The following SLC4A1 variants were observed in gnomAD, a reference collection of about 807,000 sequenced individuals.
SLC4A1 encodes the protein solute carrier family 4 member 1 (Diego blood group).
A neutral mutation model predicts 93.1 loss-of-function variants in SLC4A1; 29 were observed. That is an observed-to-expected ratio of 0.31 (90% CI 0.23 to 0.42). SLC4A1 has a LOEUF of 0.42. Among genes scored for constraint, SLC4A1 ranks in the 20% least tolerant of loss-of-function variants. The pLI, the probability that SLC4A1 is intolerant of heterozygous loss-of-function variation, is 1.00. For synonymous variants in SLC4A1, 469 were observed against 497.2 expected (o/e 0.94, Z 0.76); for missense variants, 965 against 1,190.1 (o/e 0.81, Z 2.78).
At chr17:44,266,998 G>A (rs1017753647) in intron 1 of SLC4A1, among the ~76,000 whole-genome samples, 3 of 152,166 alleles carry the variant, frequency 2.0e-5, no homozygotes, top group African/African-American at 7.2e-5. Context: ...TCTGTGAAGT[G>A]GTTTGGGGAT....
At chr17:44,257,903 G>A (rs1199097883) in intron 11 of SLC4A1, 83 bp downstream of exon 11, 1 of 1,601,034 alleles carries the variant, frequency 6.2e-7, no homozygotes, top group Non-Finnish European at 8.6e-7. Flanking sequence ...GGTCTGGAGG[G>A]TCAGACAGAG....
chr17:44,263,595 C>T (rs562952441), intron 1 of SLC4A1, among the ~76,000 whole-genome samples: 1 of 152,264 alleles, frequency 6.6e-6, no homozygotes, highest in South Asian at 2.1e-4. Context: ...ATACCTCAGA[C>T]CTTCTCACAT....
chr17:44,261,079 C>T (rs777263312), intron 4 of SLC4A1, among the ~76,000 whole-genome samples: 4 of 152,170 alleles, frequency 2.6e-5, no homozygotes, highest in Non-Finnish European at 5.9e-5. Flanking sequence ...AGAGGCCTGG[C>T]GGGCCGAAGC....
At chr17:44,261,859 C>T (rs1044677503) in intron 3 of SLC4A1, among the ~76,000 whole-genome samples, 3 of 152,116 alleles carry the variant, frequency 2.0e-5, no homozygotes, top group African/African-American at 7.2e-5. Flanking sequence ...TGAGCCTTGT[C>T]GAGGACACCC....
rs149362848 is a variant in SLC4A1, at chr17:44,257,753, A to G, written c.1337T>C (p.Val446Ala). 3.6e-5 allele frequency: 58 copies of G among 1,614,018 alleles called. No individual in the cohort carries two copies. The African/African-American group carries it at 6.9e-4, about 19-fold the overall frequency. Residue 446 changes from valine to alanine, a missense_variant, in exon 12 of 20, where the codon GTG becomes GCG. Physicochemically the swap from Val to Ala is moderately conservative, Grantham distance 64 (BLOSUM62 0). Coordinates refer to ENST00000262418, the MANE Select transcript of SLC4A1 (RefSeq NM_000342.4). ...GVSELLISTA[V>A]QGILFALLGA... ...CAGCAGGGCGAAGAGAATGCCCTGC[A>G]CTGCAGTGGAGATCAGCAGCTCCGA...
chr17:44,264,729 T>C (rs923003058), intron 1 of SLC4A1, among the ~76,000 whole-genome samples: 1 of 152,098 alleles, frequency 6.6e-6, no homozygotes, highest in Non-Finnish European at 1.5e-5. Context: ...CCAAGAGGCC[T>C]CTGAGCTCGG....
intron 13 of SLC4A1, among the ~76,000 whole-genome samples, chr17:44,257,061 G>A (rs546835070): frequency 1.0e-4 from 15 of 150,236 alleles, no homozygotes; most frequent in Middle Eastern, 3.4e-3. Flanking sequence ...GCACAATCTC[G>A]GCTCACTGCA....
At position 44,250,027 on chromosome 17, in the gene SLC4A1, A is replaced by G. The variant is rs951207868; in HGVS notation, c.*431T>C. On this transcript the variant is annotated 3_prime_UTR_variant, in exon 20 of 20. Coordinates refer to ENST00000262418, the MANE Select transcript of SLC4A1 (RefSeq NM_000342.4). Reference sequence around the variant, plus strand: ...ATCCTGTAATGTGGGTATTATCATCAATATACCCATTTTACAGAAGAGGAA... The same window carrying G: ...ATCCTGTAATGTGGGTATTATCATCGATATACCCATTTTACAGAAGAGGAA... 4.9e-5 allele frequency: 12 copies of G among 245,234 alleles called. No individual in the cohort carries two copies. Among genetic ancestry groups the G allele is most frequent in the Non-Finnish European group, 9.0e-5 (11 of 122,412 alleles). The allele number at this position is 245,234 out of a possible 1,614,324, so 15.2% of individuals were successfully genotyped here.
Position 44,260,915 on chromosome 17 carries a change from T to A in SLC4A1, c.169-100A>T, listed in dbSNP as rs1301729498. 3.7e-6 allele frequency: 5 copies of A among 1,368,964 alleles called. No individual in the cohort carries two copies. The Admixed American group carries it at 7.1e-5, about 19-fold the overall frequency. 84.8% of individuals were successfully genotyped at this position (1,368,964 alleles called of 1,614,324 possible). On this transcript the variant is annotated intron_variant, in intron 4 of 19. Transcript: ENST00000262418. ...GAGGCTTGTGCTTGTGAGGCTTGGA[T>A]CCCTGTGCTCAAGGGTCCGTAGATA...
At chr17:44,261,900 G>T (rs1191163938) in intron 3 of SLC4A1, 7 of 1,036,592 alleles carry the variant, frequency 6.8e-6, no homozygotes, top group African/African-American at 1.6e-5. Context: ...TAGCCCCTCC[G>T]CAGTGATGAA....
intron 5 of SLC4A1, 43 bp from the exon 6 acceptor site, chr17:44,260,582 AC>A (rs1285426913): frequency 1.2e-6 from 2 of 1,614,096 alleles, no homozygotes; most frequent in East Asian, 2.2e-5. Context: ...GGGCCACAGC[AC>A]CCCACAACAA....
In SLC4A1 at chr17:44,251,289, A is replaced by G; in HGVS notation, c.2525T>C (p.Ile842Thr). The change falls in exon 19 of 20, where the codon ATC (isoleucine) becomes ACC (threonine). Residue 842 changes from isoleucine to threonine, a missense_variant. By Grantham distance (89) the Ile-to-Thr change is moderately conservative. Coordinates refer to ENST00000262418, the MANE Select transcript of SLC4A1 (RefSeq NM_000342.4). ...RMHLFTGIQI[I>T]CLAVLWVVKS... ...CACCACCCACAGCACTGCCAGGCAG[A>G]TGATCTGGATGCCCGTGAATAAGTG... 1 of 1,614,232 alleles carries G rather than the reference A, an allele frequency of 6.2e-7. No homozygotes were observed.
Position 44,251,464 on chromosome 17 carries a change from CA to C in SLC4A1, c.2435del (p.Leu812ArgfsTer17). 2 of 1,614,224 alleles carry C rather than the reference CA, an allele frequency of 1.2e-6. No homozygotes were observed. The highest frequency in any genetic ancestry group is 1.7e-6 in the Non-Finnish European group (2 of 1,180,042). On this transcript the variant is annotated frameshift_variant, in exon 18 of 20. Coordinates refer to ENST00000262418, the MANE Select transcript of SLC4A1 (RefSeq NM_000342.4). LOFTEE classifies it high-confidence loss of function. The stretch of plus-strand genomic sequence containing the variant: ...CTGGGTGATACTTGGGTGGCTTGAA[CA>C]GAAGCAAGATGCGGTCAAAGAGCTG... Reference protein sequence around the residue: ...GIQLFDRILLLFKPPKYHPDV... With the variant: ...GIQLFDRILLXFKPPKYHPDV...
chr17:44,257,622 G>A (rs952773134), intron 12 of SLC4A1, 37 bp downstream of exon 12: 3 of 1,613,264 alleles, frequency 1.9e-6, no homozygotes, highest in African/African-American at 2.7e-5. Context: ...GTGGTGCGGG[G>A]GACATGACAG....
In SLC4A1 at chr17:44,259,795, T is replaced by C; in HGVS notation, c.609+14A>G. On this transcript the variant is annotated intron_variant, in intron 7 of 19. Transcript: ENST00000262418. ...CCCACCCTGACCCTGACCCTGACCC[T>C]GTAACTGACTCACCTGCTCACAGAA... 1.2e-6 allele frequency: 2 copies of C among 1,613,866 alleles called. No homozygotes were observed.
chr17:44,257,469 A>C lies in SLC4A1; in HGVS notation c.1507T>G (p.Leu503Val), dbSNP rs759996988. 6.2e-6 allele frequency: 10 copies of C among 1,614,010 alleles called. No homozygotes were observed. Among genetic ancestry groups the C allele is most frequent in the Admixed American group, 1.7e-5 (1 of 60,018 alleles). The change falls in exon 13 of 20, where the codon TTG becomes GTG. Residue 503 changes from leucine (L) to valine (V), a missense_variant. Physicochemically the swap from Leu to Val is conservative, Grantham distance 32. Transcript: ENST00000262418. ...IGFWLILLVV[L>V]VVAFEGSFLV... Reference sequence around the variant, plus strand: ...AAGCTACCCTCGAAGGCCACCACCAACACCACCAGCAGGATGAGCCAGAAG... The same window carrying C: ...AAGCTACCCTCGAAGGCCACCACCACCACCACCAGCAGGATGAGCCAGAAG...
In SLC4A1 at chr17:44,259,224, TC is replaced by T; in HGVS notation, c.814del (p.Glu272ArgfsTer25). ...CTGGGTGTAATCGATGTGGGGGGCC[TC>T]AGGTCCCAGCAACACAAAGAGGAAG... ...IRFLFVLLGP[E>X]APHIDYTQLG... On this transcript the variant is annotated frameshift_variant, in exon 9 of 20. Coordinates refer to ENST00000262418, the MANE Select transcript of SLC4A1 (RefSeq NM_000342.4). LOFTEE classifies it high-confidence loss of function. The T allele has an allele frequency of 6.2e-7, 1 of 1,613,986 alleles. No homozygotes were observed. The highest frequency in any genetic ancestry group is 8.5e-7 in the Non-Finnish European group (1 of 1,180,022).
chr17:44,252,757 C>T (rs146279724), intron 17 of SLC4A1, among the ~76,000 whole-genome samples: 328 of 152,310 alleles, frequency 2.2e-3, no homozygotes, highest in Middle Eastern at 6.8e-3. Context: ...GTTGAACCCT[C>T]CAACTGTGCA....
chr17:44,258,130 C>T lies in SLC4A1; in HGVS notation c.1138G>A (p.Gly380Arg), dbSNP rs939561010. Residue 380 changes from glycine (G) to arginine (R), a missense_variant, in exon 11 of 20, where the codon GGG (glycine) becomes AGG (arginine). Gly to Arg is a moderately radical substitution (Grantham distance 125). Transcript: ENST00000262418. The surrounding 1 kb of genome is among the most constrained non-coding windows in gnomAD (Gnocchi z 6.1). ...DPLQQTGQLF[G>R]GLVRDIRRRY... ...CGCCGGATATCACGCACCAGGCCCCCGAAGAGCTGGCCTGTCTGCTGCAGA... is the reference window on the plus strand; with the variant it reads ...CGCCGGATATCACGCACCAGGCCCCTGAAGAGCTGGCCTGTCTGCTGCAGA... 8.7e-6 allele frequency: 14 copies of T among 1,613,878 alleles called. No homozygotes were observed. Among genetic ancestry groups the T allele is most frequent in the Admixed American group, 8.3e-5 (5 of 59,988 alleles).
Sources: gnomAD v4.1 joint callset for allele counts (sites outside exome capture counted in the v4.1 genomes callset) on GRCh38, gnomAD v4.1.1 for gene constraint, Gnocchi (gnomAD v3.1) non-coding constraint, MANE v1.5 for transcripts, NCBI Gene and HGNC (gene_info 2026-07-23, HGNC 2026-07-21) for gene names.